PCBP3: variants seen among roughly 807,000 people sequenced by gnomAD.
PCBP3 encodes poly(rC) binding protein 3, also known as poly(rC)-binding protein 3.
Under a neutral mutation model 52.7 loss-of-function variants are expected in PCBP3, and 25 were observed. The observed-to-expected ratio is 0.47, with a 90% CI of 0.35 to 0.66. PCBP3 has a LOEUF of 0.66. Ranked by LOEUF, PCBP3 falls within the 30% of genes least tolerant of loss-of-function variation. The pLI is 0.01. For missense variants in PCBP3, 391 were observed against 490.3 expected, an observed-to-expected ratio of 0.80 and a Z score of 1.91; for synonymous variants, 162 against 183.0, an observed-to-expected ratio of 0.89 and a Z score of 0.93.
chr21:45,789,400 GTGTT>G (rs1014059351), intron 4 of PCBP3, among the ~76,000 whole-genome samples: 16 of 152,278 alleles, frequency 1.1e-4, no homozygotes, highest in African/African-American at 3.1e-4. Flanking sequence ...GTGTGTGCAT[GTGTT>G]TGTGATCGTG....
intron 2 of PCBP3, among the ~76,000 whole-genome samples, chr21:45,681,094 T>C (rs1320808271): frequency 6.6e-6 from 1 of 152,140 alleles, no homozygotes; most frequent in African/African-American, 2.4e-5. Flanking sequence ...CCGCCACCCC[T>C]TTTATAAGAC....
intron 1 of PCBP3, among the ~76,000 whole-genome samples, chr21:45,646,103 C>CTGTGTGTGTGTG (rs1269114772): frequency 5.2e-5 from 4 of 77,006 alleles, no homozygotes; most frequent in East Asian, 4.6e-4. Context: ...CTCTCTCTCT[C>CTGTGTGTGTGTG]TCTCTGTGTG....
In PCBP3 at chr21:45,656,570, ACCGT is replaced by A. The variant is rs1437212657; in HGVS notation, c.-278-12303_-278-12300del. Among the ~76,000 whole-genome samples, 3 of 152,154 alleles carry A rather than the reference ACCGT, an allele frequency of 2.0e-5. No homozygotes were observed. Among genetic ancestry groups the A allele is most frequent in the African/African-American group, 7.2e-5 (3 of 41,418 alleles). ...GACGGGTTGATGGGTGCAGCAAACC[ACCGT>A]GGCATGTGTATACCTGTGTAACAAA... On this transcript the variant is annotated intron_variant, in intron 1 of 17. Transcript: ENST00000681687. This position sits in a 1 kb window ranked among gnomAD's most constrained non-coding sequence, Gnocchi z 4.3.
At chr21:45,835,349 G>T (rs951110876) in intron 4 of PCBP3, among the ~76,000 whole-genome samples, 1 of 152,184 alleles carries the variant, frequency 6.6e-6, no homozygotes, top group Non-Finnish European at 1.5e-5. Context: ...TCTGTGGCCT[G>T]TTGGCAGAGA....
chr21:45,912,277 G>A (rs2096411967), intron 11 of PCBP3, among the ~76,000 whole-genome samples: 1 of 152,232 alleles, frequency 6.6e-6, no homozygotes, highest in Non-Finnish European at 1.5e-5. Flanking sequence ...AGTGAAGATG[G>A]CCAGGCAGCT....
At chr21:45,664,010 C>CT (rs1246518674) in intron 1 of PCBP3, among the ~76,000 whole-genome samples, 134 of 41,034 alleles carry the variant, frequency 3.3e-3, no homozygotes, top group African/African-American at 7.2e-3. Flanking sequence ...GGATGTTTTT[C>CT]TTTTTTTTTC....
intron 4 of PCBP3, among the ~76,000 whole-genome samples, chr21:45,824,470 C>T (rs985871348): frequency 3.9e-5 from 6 of 152,218 alleles, no homozygotes; most frequent in Non-Finnish European, 5.9e-5. Flanking sequence ...AGACTGACAA[C>T]GCATTCCCTA....
At chr21:45,842,237 C>T (rs1029097196) in intron 4 of PCBP3, among the ~76,000 whole-genome samples, 26 of 152,290 alleles carry the variant, frequency 1.7e-4, no homozygotes, top group Non-Finnish European at 2.4e-4. Flanking sequence ...TTTCTTGTTG[C>T]TTTCCTGGAA....
intron 4 of PCBP3, among the ~76,000 whole-genome samples, chr21:45,807,481 A>T (rs56256701): frequency 0.19 from 28,772 of 152,110 alleles, 2,894 homozygotes; most frequent in Middle Eastern, 0.33. Context: ...TTACAGGGGA[A>T]GTGAAGGACC....
rs368661984 is a variant in PCBP3, at chr21:45,805,430, G to C, written c.-125-44531G>C. ...TGCTGGGCCGTGCGGAGGTGGCCAT[G>C]GGCAGCCCTTCCTTCTGGAGCCCCC... On this transcript the variant is annotated intron_variant, in intron 4 of 17. Coordinates refer to ENST00000681687, the MANE Select transcript of PCBP3 (RefSeq NM_001384156.1). The surrounding 1 kb of genome is among the most constrained non-coding windows in gnomAD (Gnocchi z 4.6). Among the ~76,000 whole-genome samples the C allele has an allele frequency of 9.4e-4, 143 of 152,206 alleles. 1 individual carries two copies. Among genetic ancestry groups the C allele is most frequent in the African/African-American group, 3.1e-3 (130 of 41,540 alleles).
At chr21:45,774,278 G>C (rs551062144) in intron 4 of PCBP3, among the ~76,000 whole-genome samples, 1 of 151,480 alleles carries the variant, frequency 6.6e-6, no homozygotes, top group South Asian at 2.1e-4. Flanking sequence ...GTGGTGGTGC[G>C]TGCCTGTAAT....
At chr21:45,790,357 C>A (rs1391652437) in intron 4 of PCBP3, among the ~76,000 whole-genome samples, 2 of 152,052 alleles carry the variant, frequency 1.3e-5, no homozygotes, top group Non-Finnish European at 2.9e-5. Context: ...GCCCGATTAG[C>A]AGGAAGGACG....
chr21:45,764,287 T>C (rs1289190665), intron 4 of PCBP3, among the ~76,000 whole-genome samples: 2 of 152,092 alleles, frequency 1.3e-5, no homozygotes, highest in Non-Finnish European at 2.9e-5. Context: ...CACGCCCGGC[T>C]AATTATGTAT....
intron 9 of PCBP3, among the ~76,000 whole-genome samples, chr21:45,902,554 A>G (rs2096087178): frequency 6.6e-6 from 1 of 152,030 alleles, no homozygotes; most frequent in Non-Finnish European, 1.5e-5. Context: ...CTGATGGGAG[A>G]CTGATGGAAT....
In PCBP3 at chr21:45,904,797, G is replaced by A. The variant is rs1017245799; in HGVS notation, c.339+3684G>A. Among the ~76,000 whole-genome samples, 5 of 152,212 alleles carry A rather than the reference G, an allele frequency of 3.3e-5. No individual in the cohort carries two copies. Among genetic ancestry groups the A allele is most frequent in the Non-Finnish European group, 7.3e-5 (5 of 68,044 alleles). On this transcript the variant is annotated intron_variant, in intron 9 of 17. Coordinates refer to ENST00000681687, the MANE Select transcript of PCBP3 (RefSeq NM_001384156.1). The surrounding 1 kb of genome is among the most constrained non-coding windows in gnomAD (Gnocchi z 4.8). ...GCCCTTGAGTCGTCGCTCTGGGGCCGTGTCTCACCCTCACACCATGTCACG... is the reference window on the plus strand; with the variant it reads ...GCCCTTGAGTCGTCGCTCTGGGGCCATGTCTCACCCTCACACCATGTCACG...
intron 1 of PCBP3, among the ~76,000 whole-genome samples, chr21:45,647,690 G>C (rs762995282): frequency 6.6e-6 from 1 of 152,196 alleles, no homozygotes; most frequent in Non-Finnish European, 1.5e-5. Flanking sequence ...GGACCCTGCT[G>C]GAAGTGTTAG....
chr21:45,935,614 G>C, intron 16 of PCBP3: 1 of 475,182 alleles, frequency 2.1e-6, no homozygotes, highest in Non-Finnish European at 4.0e-6. Context: ...CACTGCCCTG[G>C]TGCGGGCCAA....
At chr21:45,727,618 T>C (rs1281575562) in intron 2 of PCBP3, among the ~76,000 whole-genome samples, 1 of 152,148 alleles carries the variant, frequency 6.6e-6, no homozygotes, top group Non-Finnish European at 1.5e-5. Context: ...TTGAATCATT[T>C]CAGCAGGCCC....
At chr21:45,823,511 G>C (rs149720906) in intron 4 of PCBP3, among the ~76,000 whole-genome samples, 6 of 152,082 alleles carry the variant, frequency 3.9e-5, no homozygotes, top group Admixed American at 3.9e-4. Context: ...GCAGAACCAC[G>C]CGTGTCCGTT....
Sources: gnomAD v4.1 joint callset for allele counts (sites outside exome capture counted in the v4.1 genomes callset) on GRCh38, gnomAD v4.1.1 for gene constraint, Gnocchi (gnomAD v3.1) non-coding constraint, MANE v1.5 for transcripts, NCBI Gene and HGNC (gene_info 2026-07-23, HGNC 2026-07-21) for gene names.